ADK: variants seen among roughly 807,000 people sequenced by gnomAD.
ADK encodes adenosine kinase, also known as N6,N6-dimethyladenosine kinase.
In ADK, 24 loss-of-function variants were observed where a neutral mutation model predicts 44.7. That is an observed-to-expected ratio of 0.54 (90% CI 0.39 to 0.76). ADK has a LOEUF of 0.76. Ranked by LOEUF, ADK falls within the 30% of genes least tolerant of loss-of-function variation. The probability of loss-of-function intolerance (pLI) is 0.00; values close to 1 mark genes in which losing one functional copy is unlikely to be tolerated. For synonymous variants in ADK, 128 were observed against 142.6 expected (o/e 0.90, Z 0.73); for missense variants, 321 against 425.1 (o/e 0.76, Z 2.15).
intron 8 of ADK, among the ~76,000 whole-genome samples, chr10:74,592,295 G>A (rs963898173): frequency 1.3e-5 from 2 of 152,094 alleles, no homozygotes; most frequent in African/African-American, 4.8e-5. Flanking sequence ...TCAGACTGGA[G>A]TGTGTTTTTA....
intron 7 of ADK, among the ~76,000 whole-genome samples, chr10:74,560,179 A>G (rs933173890): frequency 6.6e-6 from 1 of 152,184 alleles, no homozygotes. Flanking sequence ...TTGGCCTCCC[A>G]AAGTTCTGGG....
At chr10:74,440,247 C>G (rs1381151247) in intron 6 of ADK, among the ~76,000 whole-genome samples, 2 of 152,000 alleles carry the variant, frequency 1.3e-5, no homozygotes, top group African/African-American at 2.4e-5. Flanking sequence ...ATATTTAGTT[C>G]TCTCAGTAGC....
At chr10:74,327,548 T>G (rs1841063878) in intron 4 of ADK, among the ~76,000 whole-genome samples, 1 of 152,194 alleles carries the variant, frequency 6.6e-6, no homozygotes, top group African/African-American at 2.4e-5. Flanking sequence ...GTTTCTTTTT[T>G]GGTTTTCTGT....
intron 6 of ADK, among the ~76,000 whole-genome samples, chr10:74,523,034 A>T (rs569526937): frequency 7.9e-5 from 12 of 152,292 alleles, no homozygotes; most frequent in East Asian, 1.9e-4. Flanking sequence ...TTAGCAACAT[A>T]TCTGGAGTCA....
At chr10:74,273,865 C>T (rs541549096) in intron 3 of ADK, among the ~76,000 whole-genome samples, 3 of 152,288 alleles carry the variant, frequency 2.0e-5, no homozygotes, top group African/African-American at 7.2e-5. Context: ...GCAGGCGTAT[C>T]GGCTTCATGT....
chr10:74,489,882 G>A (rs943323834), intron 6 of ADK, among the ~76,000 whole-genome samples: 19 of 152,060 alleles, frequency 1.2e-4, no homozygotes, highest in Admixed American at 4.6e-4. Context: ...AAAAACTTGT[G>A]TAAGTAGGAA....
At chr10:74,495,161 C>A (rs1454894673) in intron 6 of ADK, among the ~76,000 whole-genome samples, 1 of 151,260 alleles carries the variant, frequency 6.6e-6, no homozygotes, top group Non-Finnish European at 1.5e-5. Context: ...ATGTAGATCT[C>A]TTCATTAATT....
intron 6 of ADK, among the ~76,000 whole-genome samples, chr10:74,421,729 C>T (rs1844562954): frequency 6.6e-6 from 1 of 151,980 alleles, no homozygotes; most frequent in South Asian, 2.1e-4. Flanking sequence ...CTTGTAGTGC[C>T]AGAAGGCAAG....
chr10:74,527,146 G>A (rs956682622), intron 7 of ADK, among the ~76,000 whole-genome samples: 46 of 152,186 alleles, frequency 3.0e-4, no homozygotes, highest in Admixed American at 2.0e-4. Context: ...TGGATCACGA[G>A]GTCAGGAGAT....
intron 3 of ADK, among the ~76,000 whole-genome samples, chr10:74,260,471 GTGT>G (rs1189586526): frequency 1.3e-5 from 2 of 152,114 alleles, no homozygotes; most frequent in South Asian, 4.1e-4. Flanking sequence ...GGGTTTTGCT[GTGT>G]TGTCCCTTGA....
rs202039289 is a variant in ADK at position 74,443,811 on chromosome 10, G to A, written c.555+45232G>A. On this transcript the variant is annotated intron_variant, in intron 6 of 10. Coordinates refer to ENST00000539909, the MANE Select transcript of ADK (RefSeq NM_006721.4). ...CATCCAAGGAGATTAATATTTAAACGTACATTATAATATGAAAGGCATGAA... is the reference window on the plus strand; with the variant it reads ...CATCCAAGGAGATTAATATTTAAACATACATTATAATATGAAAGGCATGAA... Among the ~76,000 whole-genome samples, 8 of 152,122 alleles carry A rather than the reference G, an allele frequency of 5.3e-5. No homozygotes were observed. The East Asian group carries it at 5.8e-4, about 11-fold the overall frequency.
At chr10:74,612,690 A>G (rs1458962313) in intron 9 of ADK, among the ~76,000 whole-genome samples, 1 of 152,098 alleles carries the variant, frequency 6.6e-6, no homozygotes, top group Non-Finnish European at 1.5e-5. Flanking sequence ...TCTTAGTCAT[A>G]AATTCTTTGC....
rs1040435832 is a variant in ADK at position 74,527,880 on chromosome 10, A to G, written c.726+2454A>G. 1.4e-5 allele frequency: 12 copies of G among 862,252 alleles called. 1 individual carries two copies. In the South Asian group the frequency reaches 1.6e-4, roughly 12 times the overall value. 53.4% of individuals were successfully genotyped at this position (862,252 alleles called of 1,614,324 possible). A position where few individuals can be genotyped will look rare whatever the true frequency, so the allele number is the denominator to read the frequency against. The stretch of plus-strand genomic sequence containing the variant: ...CCAGATCTCTAACATACGTCAGTAC[A>G]GGAAAAGGCAAGAGAAGGATTGTGA... On this transcript the variant is annotated intron_variant, in intron 7 of 10. Transcript: ENST00000539909.
At chr10:74,657,076 AT>A (rs1854515825) in intron 9 of ADK, among the ~76,000 whole-genome samples, 1 of 150,844 alleles carries the variant, frequency 6.6e-6, no homozygotes. Context: ...AGTTTTTCAA[AT>A]TTTTTGTAGA....
At chr10:74,151,391 G>C (rs1841580377) in intron 1 of ADK, 48 bp downstream of exon 1, 1 of 1,543,164 alleles carries the variant, frequency 6.5e-7, no homozygotes, top group Non-Finnish European at 8.8e-7. Context: ...CTGCAAGCAA[G>C]CCAGGGCCCA....
chr10:74,385,280 T>A (rs1469797104), intron 4 of ADK, among the ~76,000 whole-genome samples: 1 of 152,140 alleles, frequency 6.6e-6, no homozygotes, highest in Non-Finnish European at 1.5e-5. Context: ...GGAGTAAAAG[T>A]GTGTCAATTT....
chr10:74,288,205 A>G (rs1847264414), intron 3 of ADK, among the ~76,000 whole-genome samples: 1 of 152,166 alleles, frequency 6.6e-6, no homozygotes, highest in African/African-American at 2.4e-5. Context: ...GAGGGAACAT[A>G]TAAAATTCAA....
At chr10:74,340,389 A>G (rs1412512841) in intron 4 of ADK, among the ~76,000 whole-genome samples, 1 of 152,084 alleles carries the variant, frequency 6.6e-6, no homozygotes, top group Non-Finnish European at 1.5e-5. Context: ...TCATTTATAT[A>G]CCTGATGACT....
At chr10:74,502,025 G>A (rs1847901850) in intron 6 of ADK, among the ~76,000 whole-genome samples, 1 of 152,006 alleles carries the variant, frequency 6.6e-6, no homozygotes, top group African/African-American at 2.4e-5. Flanking sequence ...CTGAATTCTA[G>A]AATTTTTGAA....
Sources: allele counts gnomAD v4.1 joint callset (sites outside exome capture counted in the v4.1 genomes callset), GRCh38; gene constraint gnomAD v4.1.1; transcripts MANE v1.5; gene names NCBI Gene and HGNC (gene_info 2026-07-23, HGNC 2026-07-21).